The following DPYSL2 variants were observed in gnomAD, a reference collection of about 807,000 sequenced individuals.
DPYSL2 encodes dihydropyrimidinase like 2.
Under a neutral mutation model 69.9 loss-of-function variants are expected in DPYSL2, and 13 were observed. The ratio of observed to expected loss-of-function variants is 0.19; its 90% CI spans 0.12 to 0.30. DPYSL2 has a LOEUF of 0.30. Ranked by LOEUF, DPYSL2 falls within the 10% of genes least tolerant of loss-of-function variation. The pLI is 1.00. For synonymous variants in DPYSL2, 326 were observed against 359.1 expected, an observed-to-expected ratio of 0.91 and a Z score of 1.04; for missense variants, 587 against 918.9, an observed-to-expected ratio of 0.64 and a Z score of 4.67.
rs745381943 is a variant in DPYSL2 at position 26,533,193 on chromosome 8, A to G, written c.354+18514A>G. Among the ~76,000 whole-genome samples the G allele has an allele frequency of 1.2e-4, 18 of 152,148 alleles. No individual in the cohort carries two copies. The highest frequency in any genetic ancestry group is 2.0e-4 in the Admixed American group (3 of 15,268). On this transcript the variant is annotated intron_variant, in intron 1 of 13. Coordinates refer to ENST00000521913, the MANE Select transcript of DPYSL2 (RefSeq NM_001197293.3). This position sits in a 1 kb window ranked among gnomAD's most constrained non-coding sequence, Gnocchi z 4.8. ...TATCTCTTTGGAGAACTGTCTATTA[A>G]AATTCTTTGCCCATTTTTAAGTTGG...
At position 26,562,590 on chromosome 8, in the gene DPYSL2, C is replaced by G. The variant is rs946314047; in HGVS notation, c.355-19379C>G. ...TTCGTTTTAAAGACAGAATAAAATCCGAATCTGTTTCCATGGCCCACAGTC... is the reference window on the plus strand; with the variant it reads ...TTCGTTTTAAAGACAGAATAAAATCGGAATCTGTTTCCATGGCCCACAGTC... On this transcript the variant is annotated intron_variant, in intron 1 of 13. Transcript: ENST00000521913. This position sits in a 1 kb window ranked among gnomAD's most constrained non-coding sequence, Gnocchi z 4.9. Among the ~76,000 whole-genome samples the G allele has an allele frequency of 6.6e-6, 1 of 152,128 alleles. No individual in the cohort carries two copies. The highest frequency in any genetic ancestry group is 2.1e-4 in the South Asian group (1 of 4,824).
intron 1 of DPYSL2, among the ~76,000 whole-genome samples, chr8:26,530,393 A>G (rs17403886): frequency 0.093 from 14,114 of 152,218 alleles, 733 homozygotes; most frequent in Non-Finnish European, 0.11. Context: ...ATTTCTTGTG[A>G]TAACATTCAA....
In DPYSL2 at chr8:26,598,771, A is replaced by G. The variant is rs1422344370; in HGVS notation, c.628+14788A>G. Among the ~76,000 whole-genome samples, 1 of 151,210 alleles carries G rather than the reference A, an allele frequency of 6.6e-6. No homozygotes were observed. Among genetic ancestry groups the G allele is most frequent in the Non-Finnish European group, 1.5e-5 (1 of 67,970 alleles). On this transcript the variant is annotated intron_variant, in intron 3 of 13. Transcript: ENST00000521913. The surrounding 1 kb of genome is among the most constrained non-coding windows in gnomAD (Gnocchi z 4.2). ...ACCTGATTACAAGCTCCAGGTGAAG[A>G]GCAGGTTTGAGACTTACACCTTGTT...
At chr8:26,595,275 T>G (rs1801833885) in intron 3 of DPYSL2, among the ~76,000 whole-genome samples, 1 of 152,124 alleles carries the variant, frequency 6.6e-6, no homozygotes, top group Non-Finnish European at 1.5e-5. Context: ...AGAAGACTTC[T>G]TATGCAAGAA....
rs1801610708 is a variant in DPYSL2 at position 26,586,653 on chromosome 8, C to T, written c.628+2670C>T. Among the ~76,000 whole-genome samples, 1 of 152,182 alleles carries T rather than the reference C, an allele frequency of 6.6e-6. No individual in the cohort carries two copies. Among genetic ancestry groups the T allele is most frequent in the South Asian group, 2.1e-4 (1 of 4,828 alleles). On this transcript the variant is annotated intron_variant, in intron 3 of 13. Transcript: ENST00000521913. The surrounding 1 kb of genome is among the most constrained non-coding windows in gnomAD (Gnocchi z 4.7). ...AGGCTGTGGCCTTTTTTCCATTCAT[C>T]CAGATGGGTTCCTTCTGTTTAGGGA...
chr8:26,569,675 T>A (rs952856852), intron 1 of DPYSL2, among the ~76,000 whole-genome samples: 2 of 152,140 alleles, frequency 1.3e-5, no homozygotes, highest in Non-Finnish European at 2.9e-5. Context: ...CAAATTATAA[T>A]TGTTGCTATT....
intron 3 of DPYSL2, among the ~76,000 whole-genome samples, chr8:26,599,459 A>T (rs910577490): frequency 2.0e-5 from 3 of 152,048 alleles, no homozygotes; most frequent in Non-Finnish European, 4.4e-5. Context: ...CAAAGGTCAC[A>T]CTATTCTTGC....
Position 26,598,945 on chromosome 8 carries a change from G to T in DPYSL2, c.628+14962G>T, listed in dbSNP as rs56998889. 4.6e-5 allele frequency among the ~76,000 whole-genome samples: 7 copies of T among 152,216 alleles called. No individual in the cohort carries two copies. Among genetic ancestry groups the T allele is most frequent in the Admixed American group, 3.3e-4 (5 of 15,272 alleles). ...AGCTGCGCAAGTGTCGTGCATGTGCGTTTGGCTCACACCCAGCGGGAGTGC... is the reference window on the plus strand; with the variant it reads ...AGCTGCGCAAGTGTCGTGCATGTGCTTTTGGCTCACACCCAGCGGGAGTGC... On this transcript the variant is annotated intron_variant, in intron 3 of 13. Transcript: ENST00000521913. The surrounding 1 kb of genome is among the most constrained non-coding windows in gnomAD (Gnocchi z 4.2).
intron 1 of DPYSL2, among the ~76,000 whole-genome samples, chr8:26,529,329 C>CTA (rs1221132835): frequency 9.3e-4 from 141 of 151,692 alleles, no homozygotes; most frequent in Middle Eastern, 3.4e-3. Context: ...TATCATCTAT[C>CTA]TATCTATATA....
chr8:26,624,367 A>G lies in DPYSL2; in HGVS notation c.793+60A>G, dbSNP rs1324316357. The G allele has an allele frequency of 3.2e-6, 5 of 1,581,636 alleles. No homozygotes were observed. The Admixed American group carries it at 6.8e-5, about 21-fold the overall frequency. On this transcript the variant is annotated intron_variant, in intron 4 of 13. Coordinates refer to ENST00000521913, the MANE Select transcript of DPYSL2 (RefSeq NM_001197293.3). The surrounding 1 kb of genome is among the most constrained non-coding windows in gnomAD (Gnocchi z 4.7). ...TTTCCGCTTCAGTCCATCAACTGGC[A>G]CAGCCCTGGGAAGAAAGTGATAATG...
Position 26,624,256 on chromosome 8 carries a change from G to A in DPYSL2, c.742G>A (p.Glu248Lys). The change falls in exon 4 of 14, where the codon GAG (glutamate) becomes AAG (lysine). Residue 248 changes from glutamate (E) to lysine (K), a missense_variant. This residue lies in a region of DPYSL2 where 452 missense variants were observed against 754.3 expected (regional missense o/e 0.60). Coordinates refer to ENST00000521913, the MANE Select transcript of DPYSL2 (RefSeq NM_001197293.3). The surrounding 1 kb of genome is among the most constrained non-coding windows in gnomAD (Gnocchi z 4.7). ...CTACTCTCTGCATGTGGACATCAGT[G>A]AGTGGCATAAGGGCATCCAGGAGGA... The part of the protein sequence containing the change: ...CDYSLHVDIS[E>K]WHKGIQEEME... 1 of 1,614,214 alleles carries A rather than the reference G, an allele frequency of 6.2e-7. No individual in the cohort carries two copies. Among genetic ancestry groups the A allele is most frequent in the Non-Finnish European group, 8.5e-7 (1 of 1,180,024 alleles).
chr8:26,564,773 T>A lies in DPYSL2; in HGVS notation c.355-17196T>A, dbSNP rs571433554. On this transcript the variant is annotated intron_variant, in intron 1 of 13. Coordinates refer to ENST00000521913, the MANE Select transcript of DPYSL2 (RefSeq NM_001197293.3). This position sits in a 1 kb window ranked among gnomAD's most constrained non-coding sequence, Gnocchi z 4.8. ...TTTCTTTTTAAAAGAATTTTTTTTT[T>A]AAAAAATTTCAATAGCTTTTGGGAT... is the stretch of plus-strand genomic sequence containing the variant. Among the ~76,000 whole-genome samples the A allele has an allele frequency of 9.3e-3, 1,352 of 145,102 alleles. 4 individuals carry two copies. The highest frequency in any genetic ancestry group is 0.012 in the African/African-American group (488 of 40,524).
rs1801645463 is a variant in DPYSL2 at position 26,588,134 on chromosome 8, A to G, written c.628+4151A>G. On this transcript the variant is annotated intron_variant, in intron 3 of 13. Transcript: ENST00000521913. This position sits in a 1 kb window ranked among gnomAD's most constrained non-coding sequence, Gnocchi z 5.4. Reference sequence around the variant, plus strand: ...GCACTCCCATGTGGTAGCTATTGTCATTCCATCCTTGCTGGGTACTGACAC... The same window carrying G: ...GCACTCCCATGTGGTAGCTATTGTCGTTCCATCCTTGCTGGGTACTGACAC... 6.6e-6 allele frequency among the ~76,000 whole-genome samples: 1 copy of G among 152,198 alleles called. No individual in the cohort carries two copies. The highest frequency in any genetic ancestry group is 1.5e-5 in the Non-Finnish European group (1 of 68,042).
intron 1 of DPYSL2, among the ~76,000 whole-genome samples, chr8:26,561,322 T>C (rs1050795457): frequency 1.3e-5 from 2 of 152,170 alleles, no homozygotes; most frequent in African/African-American, 4.8e-5. Context: ...GTATCAGGAC[T>C]GACCCTCTCC....
chr8:26,594,121 G>A (rs772985948), intron 3 of DPYSL2, among the ~76,000 whole-genome samples: 3 of 152,154 alleles, frequency 2.0e-5, no homozygotes, highest in Admixed American at 6.5e-5. Context: ...AGTGCTTTCT[G>A]TCTGAGCGTG....
Position 26,580,298 on chromosome 8 carries a change from C to G in DPYSL2, c.355-1671C>G, listed in dbSNP as rs7014178. Among the ~76,000 whole-genome samples, 866 of 152,248 alleles carry G rather than the reference C, an allele frequency of 5.7e-3. 9 individuals carry two copies. Among genetic ancestry groups the G allele is most frequent in the African/African-American group, 0.02 (818 of 41,540 alleles). On this transcript the variant is annotated intron_variant, in intron 1 of 13. Transcript: ENST00000521913. The surrounding 1 kb of genome is among the most constrained non-coding windows in gnomAD (Gnocchi z 4.1). ...GGACAAGTGCACTGATTTGAGTGACCTGGGCAAGTGGCCTAACCTCTCTGA... is the reference window on the plus strand; with the variant it reads ...GGACAAGTGCACTGATTTGAGTGACGTGGGCAAGTGGCCTAACCTCTCTGA...
In DPYSL2 at chr8:26,653,116, G is replaced by C; in HGVS notation, c.1777-116G>C. The C allele has an allele frequency of 7.7e-7, 1 of 1,306,786 alleles. No individual in the cohort carries two copies. Among genetic ancestry groups the C allele is most frequent in the Non-Finnish European group, 1.1e-6 (1 of 945,794 alleles). 80.9% of individuals were successfully genotyped at this position (1,306,786 alleles called of 1,614,324 possible). A position where few individuals can be genotyped will look rare whatever the true frequency, so the allele number is the denominator to read the frequency against. On this transcript the variant is annotated intron_variant, in intron 12 of 13. Transcript: ENST00000521913. The surrounding 1 kb of genome is among the most constrained non-coding windows in gnomAD (Gnocchi z 5.7). ...CCACACAACACCTGTCCACCTGTCT[G>C]TAAGGAGAGCCCTCCATCCCTAGAT...
chr8:26,629,219 G>A (rs1175536783), intron 7 of DPYSL2, among the ~76,000 whole-genome samples: 1 of 151,416 alleles, frequency 6.6e-6, no homozygotes, highest in Non-Finnish European at 1.5e-5. Context: ...AGACAGGTAG[G>A]CACACAACAG....
intron 1 of DPYSL2, chr8:26,577,065 A>G (rs1801362797): frequency 2.4e-6 from 1 of 425,392 alleles, no homozygotes; most frequent in Non-Finnish European, 4.7e-6. Context: ...GGAAGGCACA[A>G]AAGGATGTTT....
Sources: gnomAD v4.1 joint callset for allele counts (sites outside exome capture counted in the v4.1 genomes callset) on GRCh38, gnomAD v4.1.1 for gene constraint, gnomAD v4.1.1 regional missense constraint, Gnocchi (gnomAD v3.1) non-coding constraint, MANE v1.5 for transcripts, NCBI Gene and HGNC (gene_info 2026-07-23, HGNC 2026-07-21) for gene names.